PDE4D: variants seen among roughly 807,000 people sequenced by gnomAD.
The protein encoded by PDE4D is phosphodiesterase 4D.
A neutral mutation model predicts 87.4 loss-of-function variants in PDE4D; 24 were observed. The observed-to-expected ratio is 0.27, with a 90% CI of 0.20 to 0.39. The LOEUF (loss-of-function observed/expected upper bound fraction) is 0.39, where lower values mean the gene tolerates loss of function less well. PDE4D is among the 10% of genes least tolerant of loss of function. The probability of loss-of-function intolerance (pLI) is 1.00; values close to 1 mark genes in which losing one functional copy is unlikely to be tolerated. For missense variants in PDE4D, 714 were observed against 1,041.0 expected (o/e 0.69, Z 4.32); for synonymous variants, 384 against 383.2 (o/e 1.00, Z -0.02).
chr5:59,588,216 C>T (rs1825464656), intron 1 of PDE4D, among the ~76,000 whole-genome samples: 1 of 152,122 alleles, frequency 6.6e-6, no homozygotes, highest in Non-Finnish European at 1.5e-5. Context: ...GTTGCAATCC[C>T]TATCACTGAT....
chr5:59,352,949 T>C (rs112177231), intron 1 of PDE4D, among the ~76,000 whole-genome samples: 3,060 of 152,268 alleles, frequency 0.02, 112 homozygotes, highest in African/African-American at 0.07. Context: ...AAATGAGATT[T>C]GGAGATTTTC....
At chr5:60,316,612 T>C (rs1008308621) in intron 1 of PDE4D, among the ~76,000 whole-genome samples, 1 of 152,178 alleles carries the variant, frequency 6.6e-6, no homozygotes, top group Non-Finnish European at 1.5e-5. Context: ...CAGTATGATA[T>C]TGGCTGTGGG....
intron 1 of PDE4D, chr5:59,560,725 G>C (rs1819834933): frequency 1.3e-5 from 2 of 152,270 alleles, no homozygotes; most frequent in Non-Finnish European, 1.5e-5. Flanking sequence ...AGCAGATAAA[G>C]CAAACTGTGT....
chr5:59,370,316 A>G (rs372092019), intron 1 of PDE4D, among the ~76,000 whole-genome samples: 3 of 152,088 alleles, frequency 2.0e-5, no homozygotes, highest in East Asian at 3.9e-4. Context: ...GGTTTTCAAA[A>G]GCCCTCTCCT....
intron 2 of PDE4D, among the ~76,000 whole-genome samples, chr5:60,179,064 G>A (rs1262213699): frequency 6.6e-6 from 1 of 152,122 alleles, no homozygotes; most frequent in Non-Finnish European, 1.5e-5. Flanking sequence ...GACTACCTGA[G>A]TAGGAAGAAT....
chr5:60,197,739 A>C (rs894533832), intron 1 of PDE4D, among the ~76,000 whole-genome samples: 1 of 151,716 alleles, frequency 6.6e-6, no homozygotes, highest in African/African-American at 2.4e-5. Context: ...GCAAGGCATA[A>C]AATGAAGAAA....
Position 60,089,321 on chromosome 5 carries a change from G to C in PDE4D, c.42+96236C>G, listed in dbSNP as rs552721304. ...AAACAAGTTTTAAAAAGTCAAAAAA[G>C]TCAAAATCATATCCTGTATATTTTC... On this transcript the variant is annotated intron_variant, in intron 2 of 16. Coordinates refer to the PDE4D transcript ENST00000502484. Among the ~76,000 whole-genome samples the C allele has an allele frequency of 2.0e-5, 3 of 151,866 alleles. No individual in the cohort carries two copies. In the East Asian group the frequency reaches 5.8e-4, roughly 29 times the overall value.
chr5:60,370,898 T>C (rs1760974061), intron 1 of PDE4D, among the ~76,000 whole-genome samples: 1 of 151,526 alleles, frequency 6.6e-6, no homozygotes, highest in Non-Finnish European at 1.5e-5. Context: ...ACAAAATGAG[T>C]GAATTGTCCC....
intron 1 of PDE4D, among the ~76,000 whole-genome samples, chr5:59,504,856 A>C (rs1474514904): frequency 1.3e-5 from 2 of 151,278 alleles, no homozygotes; most frequent in African/African-American, 4.9e-5. Flanking sequence ...AAAACCTCAT[A>C]ATTTTATAAG....
intron 1 of PDE4D, among the ~76,000 whole-genome samples, chr5:60,482,185 G>GAGCT (rs1400455021): frequency 6.6e-6 from 1 of 152,046 alleles, no homozygotes; most frequent in Non-Finnish European, 1.5e-5. Context: ...AGAAGCCAGA[G>GAGCT]AGCTAGCTCA....
rs540869926 is a variant in PDE4D, at chr5:60,316,882, G to A, written c.-89-131195C>T. Among the ~76,000 whole-genome samples the A allele has an allele frequency of 4.9e-3, 742 of 150,800 alleles. 5 individuals carry two copies. Among genetic ancestry groups the A allele is most frequent in the African/African-American group, 0.017 (713 of 41,376 alleles). ...AAGCTTTTGATGTGCTGCTGGATTC[G>A]GTTTGCCAATATTTTATTGAGGATT... On this transcript the variant is annotated intron_variant, in intron 1 of 16. Transcript: ENST00000502484.
chr5:60,261,344 T>C (rs2149704210), intron 1 of PDE4D, among the ~76,000 whole-genome samples: 1 of 152,232 alleles, frequency 6.6e-6, no homozygotes. Context: ...AAATCAGACC[T>C]GAAAACAATT....
chr5:59,084,603 G>C (rs965851231), intron 5 of PDE4D, among the ~76,000 whole-genome samples: 1 of 151,648 alleles, frequency 6.6e-6, no homozygotes, highest in Non-Finnish European at 1.5e-5. Flanking sequence ...AAATCAATAA[G>C]AGGCCAGGGG....
intron 1 of PDE4D, among the ~76,000 whole-genome samples, chr5:60,234,388 A>G (rs539452658): frequency 2.6e-5 from 4 of 151,946 alleles, no homozygotes; most frequent in Admixed American, 6.6e-5. Flanking sequence ...GCTATTATAA[A>G]TAATGCTACT....
chr5:60,117,322 T>C (rs1322424543), intron 2 of PDE4D, among the ~76,000 whole-genome samples: 1 of 152,068 alleles, frequency 6.6e-6, no homozygotes, highest in African/African-American at 2.4e-5. Flanking sequence ...TGTTTTTCTT[T>C]AGTATCTTTA....
intron 6 of PDE4D, among the ~76,000 whole-genome samples, chr5:59,033,847 A>G (rs931699206): frequency 1.2e-4 from 18 of 152,214 alleles, no homozygotes; most frequent in African/African-American, 4.3e-4. Context: ...AAAGAAATTT[A>G]TCTAGTAATG....
intron 1 of PDE4D, among the ~76,000 whole-genome samples, chr5:59,313,344 T>C (rs928389746): frequency 4.6e-5 from 7 of 152,118 alleles, no homozygotes; most frequent in Non-Finnish European, 1.0e-4. Flanking sequence ...TCCCTGGCAA[T>C]GTCTAAATGC....
At chr5:60,325,068 G>T (rs185759681) in intron 1 of PDE4D, among the ~76,000 whole-genome samples, 1 of 152,192 alleles carries the variant, frequency 6.6e-6, no homozygotes, top group African/African-American at 2.4e-5. Context: ...CATTGGGGCA[G>T]TCATGGAACT....
chr5:59,356,704 G>A (rs1333184447), intron 1 of PDE4D: 8 of 1,433,104 alleles, frequency 5.6e-6, no homozygotes, highest in African/African-American at 1.5e-5. Flanking sequence ...TATTTGCAAG[G>A]GGCCTAAGGC....
Sources: gnomAD v4.1 joint callset for allele counts (sites outside exome capture counted in the v4.1 genomes callset) on GRCh38, gnomAD v4.1.1 for gene constraint, MANE v1.5 for transcripts, NCBI Gene and HGNC (gene_info 2026-07-23, HGNC 2026-07-21) for gene names.